Variants in KAZN observed in about 807,000 individuals in gnomAD.
KAZN encodes the protein kazrin, periplakin interacting protein, also known as kazrin.
Under a neutral mutation model 87.4 loss-of-function variants are expected in KAZN, and 40 were observed. That is an observed-to-expected ratio of 0.46 (90% CI 0.36 to 0.60). The LOEUF (loss-of-function observed/expected upper bound fraction) is 0.60, where lower values mean the gene tolerates loss of function less well. Ranked by LOEUF, KAZN falls within the 20% of genes least tolerant of loss-of-function variation. The pLI is 0.00. For missense variants in KAZN, 898 were observed against 1,073.9 expected (o/e 0.84, Z 2.29); for synonymous variants, 466 against 458.3 (o/e 1.02, Z -0.22).
chr1:14,168,537 C>T (rs554538804), intron 1 of KAZN, among the ~76,000 whole-genome samples: 65 of 152,152 alleles, frequency 4.3e-4, no homozygotes, highest in African/African-American at 1.1e-3. Context: ...AAGGATGTGG[C>T]GGGATTGACA....
chr1:14,361,002 A>G (rs1398966759), intron 2 of KAZN, among the ~76,000 whole-genome samples: 2 of 152,228 alleles, frequency 1.3e-5, no homozygotes, highest in Non-Finnish European at 2.9e-5. Flanking sequence ...CAGAGCCAGC[A>G]GGCAGGAATG....
At chr1:14,384,350 A>G (rs1191138729) in intron 2 of KAZN, among the ~76,000 whole-genome samples, 2 of 152,062 alleles carry the variant, frequency 1.3e-5, no homozygotes, top group African/African-American at 2.4e-5. Context: ...TTCCAACACT[A>G]TGTTGAATAG....
At chr1:14,707,572 C>T (rs1642275295) in intron 1 of KAZN, among the ~76,000 whole-genome samples, 1 of 152,190 alleles carries the variant, frequency 6.6e-6, no homozygotes, top group African/African-American at 2.4e-5. Context: ...TCCCAACGTA[C>T]TCTCCAGCTC....
intron 2 of KAZN, among the ~76,000 whole-genome samples, chr1:14,407,639 CATGTT>C (rs1167188046): frequency 7.2e-5 from 11 of 152,298 alleles, no homozygotes; most frequent in East Asian, 1.9e-4. Context: ...TCTCTACACT[CATGTT>C]ATGTCATTTT....
At chr1:14,375,081 C>G (rs2101029085) in intron 2 of KAZN, among the ~76,000 whole-genome samples, 2 of 152,228 alleles carry the variant, frequency 1.3e-5, no homozygotes, top group South Asian at 4.1e-4. Context: ...AGCTTCCAGC[C>G]TTTTCCAAAA....
intron 1 of KAZN, among the ~76,000 whole-genome samples, chr1:14,134,969 GCACACA>G (rs35930772): frequency 0.092 from 9,075 of 99,038 alleles, 346 homozygotes; most frequent in Non-Finnish European, 0.11. Context: ...ATATGCACCC[GCACACA>G]CACACACACA....
At chr1:15,014,814 C>T (rs1322674126) in intron 2 of KAZN, among the ~76,000 whole-genome samples, 1 of 152,140 alleles carries the variant, frequency 6.6e-6, no homozygotes, top group African/African-American at 2.4e-5. Flanking sequence ...AGGCAGTCAG[C>T]GTGTGGGGCT....
At chr1:14,422,319 G>A (rs1437210836) in intron 2 of KAZN, among the ~76,000 whole-genome samples, 2 of 152,296 alleles carry the variant, frequency 1.3e-5, no homozygotes, top group East Asian at 3.9e-4. Flanking sequence ...GCAGCATGAC[G>A]ACATAGATTA....
chr1:14,514,656 T>G (rs1480459166), intron 2 of KAZN, among the ~76,000 whole-genome samples: 1 of 96,944 alleles, frequency 1.0e-5, no homozygotes, highest in Non-Finnish European at 2.1e-5. Flanking sequence ...ATTGCAAAAG[T>G]ATAGCAAGAA....
At chr1:14,378,872 G>T (rs1050668069) in intron 2 of KAZN, among the ~76,000 whole-genome samples, 1 of 151,854 alleles carries the variant, frequency 6.6e-6, no homozygotes. Context: ...CAGAACCAAT[G>T]GACTTGGGGA....
chr1:14,388,997 T>C (rs1009918618), intron 2 of KAZN, among the ~76,000 whole-genome samples: 2 of 151,718 alleles, frequency 1.3e-5, no homozygotes, highest in Non-Finnish European at 2.9e-5. Context: ...CAAACAACTC[T>C]ACAGGAAAAA....
chr1:14,450,954 C>A (rs921621438), intron 2 of KAZN, among the ~76,000 whole-genome samples: 1 of 151,928 alleles, frequency 6.6e-6, no homozygotes, highest in Non-Finnish European at 1.5e-5. Flanking sequence ...GATAGTGAGC[C>A]AGCTCTCACA....
intron 1 of KAZN, among the ~76,000 whole-genome samples, chr1:14,026,297 G>C (rs1231865054): frequency 1.3e-5 from 2 of 152,084 alleles, no homozygotes; most frequent in Non-Finnish European, 2.9e-5. Flanking sequence ...AGGTGCTCAA[G>C]GACTACCATT....
chr1:14,976,085 C>T (rs1421645291), intron 2 of KAZN, among the ~76,000 whole-genome samples: 1 of 151,646 alleles, frequency 6.6e-6, no homozygotes, highest in Admixed American at 6.6e-5. Context: ...CTCAGACCTG[C>T]GCGGTGAGCC....
At chr1:13,968,804 A>G (rs1199601847) in intron 1 of KAZN, among the ~76,000 whole-genome samples, 3 of 129,062 alleles carry the variant, frequency 2.3e-5, no homozygotes, top group African/African-American at 8.9e-5. Flanking sequence ...CCATTTGAAC[A>G]TCTACTCTAC....
Position 15,094,780 on chromosome 1 carries a change from C to T in KAZN, c.1429-35C>T, listed in dbSNP as rs761413515. On this transcript the variant is annotated intron_variant, in intron 9 of 14. Transcript: ENST00000376030. The surrounding 1 kb of genome is among the most constrained non-coding windows in gnomAD (Gnocchi z 4.5). Reference sequence around the variant, plus strand: ...GGGCAGGAACCCCGCCGGCAGCTGTCCCAGCCCCCATATGACACTCCCTCC... The same window carrying T: ...GGGCAGGAACCCCGCCGGCAGCTGTTCCAGCCCCCATATGACACTCCCTCC... The T allele has an allele frequency of 4.5e-5, 67 of 1,484,962 alleles. No individual in the cohort carries two copies. In the African/African-American group the frequency reaches 8.2e-4, roughly 18 times the overall value. 92.0% of individuals were successfully genotyped at this position (1,484,962 alleles called of 1,614,324 possible).
intron 2 of KAZN, among the ~76,000 whole-genome samples, chr1:14,470,569 A>G (rs975413272): frequency 6.6e-6 from 1 of 152,220 alleles, no homozygotes; most frequent in Non-Finnish European, 1.5e-5. Context: ...CACATTAGCC[A>G]ACAATTTGGA....
At chr1:14,414,842 T>C (rs546745922) in intron 2 of KAZN, among the ~76,000 whole-genome samples, 1 of 152,138 alleles carries the variant, frequency 6.6e-6, no homozygotes, top group South Asian at 2.1e-4. Flanking sequence ...CTAACCAATA[T>C]GGTGAAACCC....
chr1:14,220,208 G>T (rs191548062), intron 2 of KAZN, among the ~76,000 whole-genome samples: 167 of 152,200 alleles, frequency 1.1e-3, no homozygotes, highest in Admixed American at 3.3e-3. Flanking sequence ...ACTCTTGCCT[G>T]TAGGAGCTCC....
Sources: gnomAD v4.1 joint callset for allele counts (sites outside exome capture counted in the v4.1 genomes callset) on GRCh38, gnomAD v4.1.1 for gene constraint, Gnocchi (gnomAD v3.1) non-coding constraint, MANE v1.5 for transcripts, NCBI Gene and HGNC (gene_info 2026-07-23, HGNC 2026-07-21) for gene names.